The following DOCK10 variants were observed in gnomAD, a reference collection of about 807,000 sequenced individuals.
The protein encoded by DOCK10 is dedicator of cytokinesis protein 10.
DOCK10 carries 145 observed loss-of-function variants against 280.1 expected under a neutral mutation model. The observed-to-expected ratio is 0.52, with a 90% CI of 0.45 to 0.59. The LOEUF is 0.59. DOCK10 is among the 20% of genes least tolerant of loss of function. The pLI is 0.00. For missense variants in DOCK10, 2,368 were observed against 2,651.7 expected (o/e 0.89, Z 2.35); for synonymous variants, 915 against 942.2 (o/e 0.97, Z 0.53).
Position 224,784,779 on chromosome 2 carries a change from C to T in DOCK10, c.5655+2243G>A. On this transcript the variant is annotated intron_variant, in intron 50 of 55. Coordinates refer to ENST00000258390, the MANE Select transcript of DOCK10 (RefSeq NM_014689.3). ...AAGACCAAAAGAAGAAAAGAGTAAACATCTGCATTAAAAACTATTTGAAAA... is the reference window on the plus strand; with the variant it reads ...AAGACCAAAAGAAGAAAAGAGTAAATATCTGCATTAAAAACTATTTGAAAA... 3.9e-6 allele frequency: 5 copies of T among 1,289,408 alleles called. No individual in the cohort carries two copies. In the South Asian group the frequency reaches 4.9e-5, roughly 13 times the overall value. 79.9% of individuals were successfully genotyped at this position (1,289,408 alleles called of 1,614,324 possible). A position where few individuals can be genotyped will look rare whatever the true frequency, so the allele number is the denominator to read the frequency against.
chr2:224,876,442 T>C (rs1485457469), intron 7 of DOCK10, among the ~76,000 whole-genome samples: 2 of 152,210 alleles, frequency 1.3e-5, no homozygotes, highest in Non-Finnish European at 2.9e-5. Flanking sequence ...TAGGGTTTTG[T>C]TGATTGGATG....
chr2:224,827,334 T>G (rs539827608), intron 27 of DOCK10, among the ~76,000 whole-genome samples: 13 of 151,568 alleles, frequency 8.6e-5, no homozygotes, highest in Non-Finnish European at 8.8e-5. Flanking sequence ...TAGAGATGGT[T>G]AGAGTGGAAG....
chr2:225,035,787 G>T (rs1185994415), intron 1 of DOCK10, among the ~76,000 whole-genome samples: 3 of 151,218 alleles, frequency 2.0e-5, no homozygotes, highest in Admixed American at 2.0e-4. Flanking sequence ...TGCTAACATG[G>T]TTGGGTTCCT....
chr2:224,837,907 T>A, intron 24 of DOCK10, 76 bp from the exon 25 acceptor site: 1 of 1,124,984 alleles, frequency 8.9e-7, no homozygotes, highest in Non-Finnish European at 1.3e-6. Context: ...ATTACAGTGC[T>A]TTGTAAATTG....
chr2:225,033,202 T>TG (rs1408019513), intron 1 of DOCK10, among the ~76,000 whole-genome samples: 2 of 151,536 alleles, frequency 1.3e-5, no homozygotes, highest in East Asian at 3.9e-4. Context: ...TTTTTTTTTT[T>TG]GACAGAGTCT....
At chr2:224,923,912 C>T (rs1027706454) in intron 2 of DOCK10, among the ~76,000 whole-genome samples, 13 of 152,230 alleles carry the variant, frequency 8.5e-5, no homozygotes, top group South Asian at 2.1e-4. Context: ...TATTTTAGGC[C>T]GAAAGGTTAT....
Position 225,016,650 on chromosome 2 carries a change from TAG to T in DOCK10, c.123+25600_123+25601del, listed in dbSNP as rs1181801287. On this transcript the variant is annotated intron_variant, in intron 1 of 55. Transcript: ENST00000258390. ...ATAGATACATATATCTATGTGCACA[TAG>T]ATACATAGATACATATATCTATGTG... 5.1e-3 allele frequency among the ~76,000 whole-genome samples: 31 copies of T among 6,034 alleles called. 3 individuals are homozygous for T. The highest frequency in any genetic ancestry group is 0.024 in the African/African-American group (31 of 1,298). 4.0% of individuals were successfully genotyped at this position (6,034 alleles called of 152,430 possible).
chr2:224,992,074 A>C (rs1706142170), intron 1 of DOCK10, among the ~76,000 whole-genome samples: 1 of 152,234 alleles, frequency 6.6e-6, no homozygotes, highest in Non-Finnish European at 1.5e-5. Context: ...AAAACCTCCA[A>C]CAGCAACTGC....
At chr2:224,853,392 C>T (rs1696885483) in intron 16 of DOCK10, among the ~76,000 whole-genome samples, 1 of 152,136 alleles carries the variant, frequency 6.6e-6, no homozygotes, top group Non-Finnish European at 1.5e-5. Context: ...ATTAAGCTTT[C>T]CATAAAAATA....
chr2:224,835,452 A>G (rs529142046), intron 25 of DOCK10, among the ~76,000 whole-genome samples: 3 of 152,358 alleles, frequency 2.0e-5, no homozygotes, highest in Admixed American at 2.0e-4. Context: ...TGCATTTTGC[A>G]TATTGTAGAC....
At chr2:224,974,232 A>T (rs1422768934) in intron 1 of DOCK10, among the ~76,000 whole-genome samples, 1 of 152,188 alleles carries the variant, frequency 6.6e-6, no homozygotes, top group Non-Finnish European at 1.5e-5. Context: ...TGATGTTTAG[A>T]CAATCTAACC....
chr2:224,845,570 C>T lies in DOCK10; in HGVS notation c.2308G>A (p.Asp770Asn). 1 of 1,613,582 alleles carries T rather than the reference C, an allele frequency of 6.2e-7. No homozygotes were observed. Among genetic ancestry groups the T allele is most frequent in the African/African-American group, 1.3e-5 (1 of 75,016 alleles). Residue 770 changes from aspartate to asparagine, a missense_variant, in exon 20 of 56, where the codon GAC (aspartate) becomes AAC (asparagine). This residue lies in a region of DOCK10 where 1,209 missense variants were observed against 1,250.9 expected (regional missense o/e 0.97). Coordinates refer to ENST00000258390, the MANE Select transcript of DOCK10 (RefSeq NM_014689.3). ...TTGGCATTAGCTTTTGCATTGATGT[C>T]ACAGGTGACGTGATAAAAAGAAAAC... The part of the protein sequence containing the change: ...ILFSFYHVTC[D>N]INAKANAKKK...
At chr2:224,945,805 C>T (rs764166652) in intron 1 of DOCK10, among the ~76,000 whole-genome samples, 9 of 152,034 alleles carry the variant, frequency 5.9e-5, no homozygotes, top group South Asian at 2.1e-4. Flanking sequence ...ATCACCCTCC[C>T]GGAGACGTTT....
At chr2:224,893,341 G>C (rs75458988) in intron 4 of DOCK10, 3 of 161,062 alleles carry the variant, frequency 1.9e-5, no homozygotes, top group African/African-American at 4.9e-5. Flanking sequence ...AACAAAAACT[G>C]TTCTATTTCA....
chr2:225,026,270 A>T (rs1272397888), intron 1 of DOCK10, among the ~76,000 whole-genome samples: 5 of 152,190 alleles, frequency 3.3e-5, no homozygotes, highest in Non-Finnish European at 7.3e-5. Flanking sequence ...TGAGGGCAAT[A>T]ATCAAGAACA....
chr2:224,934,121 T>C (rs10498173), intron 1 of DOCK10, among the ~76,000 whole-genome samples: 50,152 of 151,940 alleles, frequency 0.33, 8,389 homozygotes, highest in Middle Eastern at 0.36. Flanking sequence ...GATCGTATAG[T>C]GGTTAGTACT....
intron 43 of DOCK10, among the ~76,000 whole-genome samples, chr2:224,796,680 G>A (rs1257245732): frequency 1.3e-5 from 2 of 152,168 alleles, no homozygotes; most frequent in East Asian, 3.9e-4. Context: ...GGAATTTGGC[G>A]GGGTTTGACC....
At chr2:224,813,271 C>G (rs953520439) in intron 31 of DOCK10, among the ~76,000 whole-genome samples, 1 of 152,220 alleles carries the variant, frequency 6.6e-6, no homozygotes, top group East Asian at 1.9e-4. Context: ...TCTTGGCTCA[C>G]TGTAACCTCT....
intron 50 of DOCK10, among the ~76,000 whole-genome samples, chr2:224,785,464 G>A (rs113041760): frequency 0.028 from 4,319 of 152,182 alleles, 219 homozygotes; most frequent in African/African-American, 0.095. Flanking sequence ...GAAAGTATCT[G>A]CCTTTATTAA....
Sources: allele counts gnomAD v4.1 joint callset (sites outside exome capture counted in the v4.1 genomes callset), GRCh38; gene constraint gnomAD v4.1.1; regional missense constraint gnomAD v4.1.1; transcripts MANE v1.5; gene names NCBI Gene and HGNC (gene_info 2026-07-23, HGNC 2026-07-21).